Variants in C2orf42 observed in about 807,000 individuals in gnomAD.
The protein encoded by C2orf42 is chromosome 2 open reading frame 42.
Under a neutral mutation model 58.9 loss-of-function variants are expected in C2orf42, and 44 were observed. The observed-to-expected ratio is 0.75, with a 90% CI of 0.59 to 0.96. C2orf42 has a LOEUF of 0.96. Among genes scored for constraint, C2orf42 ranks in the 40% least tolerant of loss-of-function variants. The pLI, the probability that C2orf42 is intolerant of heterozygous loss-of-function variation, is 0.00. For synonymous variants in C2orf42, 239 were observed against 265.4 expected, an observed-to-expected ratio of 0.90 and a Z score of 0.97; for missense variants, 630 against 699.2, an observed-to-expected ratio of 0.90 and a Z score of 1.12.
chr2:70,157,183 G>A (rs796116615), intron 9 of C2orf42, among the ~76,000 whole-genome samples: 10 of 152,146 alleles, frequency 6.6e-5, no homozygotes, highest in African/African-American at 2.2e-4. Flanking sequence ...GGCCGGGTGC[G>A]GTGGCTCACG....
At chr2:70,159,026 C>T (rs1672885674) in intron 9 of C2orf42, among the ~76,000 whole-genome samples, 1 of 148,326 alleles carries the variant, frequency 6.7e-6, no homozygotes, top group Non-Finnish European at 1.5e-5. Context: ...ATTCTCCTGC[C>T]TCAGCCTCCC....
At position 70,155,068 on chromosome 2, in the gene C2orf42, A is replaced by AC. The variant is rs574050971; in HGVS notation, c.1517-4505dup. Among the ~76,000 whole-genome samples, 142 of 151,898 alleles carry AC rather than the reference A, an allele frequency of 9.3e-4. 1 individual carries two copies. Among genetic ancestry groups the AC allele is most frequent in the African/African-American group, 3.3e-3 (137 of 41,414 alleles). On this transcript the variant is annotated intron_variant, in intron 9 of 9. Coordinates refer to ENST00000264434, the MANE Select transcript of C2orf42 (RefSeq NM_017880.3). ...AGACCATCCTGGCCAACATGGTGAA[A>AC]CCCCGTCTCTACTAAAAATACAAAA...
At chr2:70,162,684 G>A (rs1245312805) in intron 8 of C2orf42, among the ~76,000 whole-genome samples, 1 of 151,884 alleles carries the variant, frequency 6.6e-6, no homozygotes, top group East Asian at 1.9e-4. Context: ...TGTTGCCTAG[G>A]CTGGTCTTGA....
At chr2:70,178,957 G>C (rs1040254266) in intron 4 of C2orf42, among the ~76,000 whole-genome samples, 1 of 151,282 alleles carries the variant, frequency 6.6e-6, no homozygotes, top group African/African-American at 2.4e-5. Context: ...TGTGTGTGTG[G>C]GTGTGTGTAT....
Position 70,165,520 on chromosome 2 carries a change from T to C in C2orf42, c.1252+8A>G. On this transcript the variant is annotated splice_region_variant and intron_variant, in intron 7 of 9. Coordinates refer to ENST00000264434, the MANE Select transcript of C2orf42 (RefSeq NM_017880.3). ...CATCCATCACTATACCAAAGGGAAA[T>C]CCTGTACCTGTGGTGGAGTTGGGGA... 6.9e-7 allele frequency: 1 copy of C among 1,444,638 alleles called. No individual in the cohort carries two copies. Among genetic ancestry groups the C allele is most frequent in the Non-Finnish European group, 9.7e-7 (1 of 1,025,722 alleles). The allele number at this position is 1,444,638 out of a possible 1,614,324, so 89.5% of individuals were successfully genotyped here. A position where few individuals can be genotyped will look rare whatever the true frequency, so the allele number is the denominator to read the frequency against.
intron 9 of C2orf42, among the ~76,000 whole-genome samples, chr2:70,158,888 G>A (rs1388891283): frequency 7.4e-5 from 11 of 149,198 alleles, no homozygotes; most frequent in East Asian, 2.0e-4. Flanking sequence ...CACCGCGCTC[G>A]GCCGAGTATT....
chr2:70,167,560 G>A (rs1404754519), intron 6 of C2orf42, among the ~76,000 whole-genome samples: 1 of 151,852 alleles, frequency 6.6e-6, no homozygotes, highest in Non-Finnish European at 1.5e-5. Context: ...GGCCAACATG[G>A]TGAAACCCTG....
chr2:70,151,761 A>T (rs554707494), intron 9 of C2orf42, among the ~76,000 whole-genome samples: 1 of 151,296 alleles, frequency 6.6e-6, no homozygotes, highest in East Asian at 1.9e-4. Context: ...TTGACTTCAT[A>T]AGCTAATATT....
At position 70,181,504 on chromosome 2, in the gene C2orf42, G is replaced by A. The variant is rs201828830; in HGVS notation, c.482C>T (p.Ala161Val). 1.2e-5 allele frequency: 19 copies of A among 1,613,320 alleles called. No homozygotes were observed. The Admixed American group carries it at 1.3e-4, about 11-fold the overall frequency. ...LKSSVLNAMQASPETKQTIWQ... is the reference protein window; with the variant it reads ...LKSSVLNAMQVSPETKQTIWQ... ...GATGGTCTGTTTGGTTTCCGGGGAG[G>A]CCTGCATTGCATTCAGGACCGAGCT... Residue 161 changes from alanine to valine, a missense_variant, in exon 3 of 10, where the codon GCC (alanine) becomes GTC (valine). Transcript: ENST00000264434.
intron 4 of C2orf42, among the ~76,000 whole-genome samples, chr2:70,178,891 C>T (rs568409028): frequency 2.6e-5 from 4 of 150,986 alleles, no homozygotes; most frequent in African/African-American, 9.7e-5. Flanking sequence ...CACCACTGCA[C>T]TCCAGCCTGG....
Position 70,183,725 on chromosome 2 carries a change from T to G in C2orf42, c.-281-790A>C, listed in dbSNP as rs111256262. ...GCCAATGCGCCCGGCCGACCCCATC[T>G]CTTTAAAAAAAAAAAAAAAGAACAC... On this transcript the variant is annotated intron_variant, in intron 1 of 9. Transcript: ENST00000264434. Among the ~76,000 whole-genome samples the G allele has an allele frequency of 4.6e-3, 483 of 104,922 alleles. 4 individuals are homozygous for G. The highest frequency in any genetic ancestry group is 0.024 in the African/African-American group (460 of 19,224). The allele number at this position is 104,922 out of a possible 152,430, so 68.8% of individuals were successfully genotyped here. A position where few individuals can be genotyped will look rare whatever the true frequency, so the allele number is the denominator to read the frequency against.
chr2:70,150,591 C>T, intron 9 of C2orf42, 27 bp from the exon 10 acceptor site: 1 of 1,547,344 alleles, frequency 6.5e-7, no homozygotes. Context: ...AGTATTAGTA[C>T]AATTCCACCT....
rs1380421090 is a variant in C2orf42, at chr2:70,171,193, TTGAGCC to T, written c.1040-1538_1040-1533del. 2.0e-5 allele frequency among the ~76,000 whole-genome samples: 3 copies of T among 151,780 alleles called. No homozygotes were observed. The East Asian group carries it at 5.8e-4, about 29-fold the overall frequency. On this transcript the variant is annotated intron_variant, in intron 5 of 9. Transcript: ENST00000264434. ...CAGGAGGCTGAGGTGAGAGGATTGTTTGAGCCCAGGAGGCAGAGGCTGCAGTGAGCC... is the reference window on the plus strand; with the variant it reads ...CAGGAGGCTGAGGTGAGAGGATTGTTCAGGAGGCAGAGGCTGCAGTGAGCC...
At chr2:70,161,982 T>C (rs574159265) in intron 8 of C2orf42, among the ~76,000 whole-genome samples, 1 of 152,088 alleles carries the variant, frequency 6.6e-6, no homozygotes, top group African/African-American at 2.4e-5. Flanking sequence ...GTTGGGACTA[T>C]AGGCACACAC....
At chr2:70,160,313 T>C (rs1040373120) in intron 9 of C2orf42, among the ~76,000 whole-genome samples, 5 of 152,050 alleles carry the variant, frequency 3.3e-5, no homozygotes, top group African/African-American at 1.2e-4. Flanking sequence ...CTAAGTTTTG[T>C]ATTTTTATAG....
At chr2:70,170,527 G>A (rs942276138) in intron 5 of C2orf42, among the ~76,000 whole-genome samples, 16 of 152,032 alleles carry the variant, frequency 1.1e-4, no homozygotes, top group African/African-American at 3.4e-4. Context: ...GATTACAGGC[G>A]TGAGCCACCT....
intron 4 of C2orf42, 63 bp downstream of exon 4, chr2:70,179,469 C>T: frequency 1.7e-6 from 1 of 597,212 alleles, no homozygotes. Context: ...CAGTCAAAGA[C>T]ATAAAACGCA....
chr2:70,163,946 G>A (rs1427558490), intron 8 of C2orf42, among the ~76,000 whole-genome samples: 1 of 152,032 alleles, frequency 6.6e-6, no homozygotes, highest in Non-Finnish European at 1.5e-5. Context: ...AAGATGGGAG[G>A]ACTGCTTGAA....
chr2:70,150,603 A>G, intron 9 of C2orf42, 39 bp from the exon 10 acceptor site: 2 of 1,479,680 alleles, frequency 1.4e-6, no homozygotes, highest in Non-Finnish European at 1.9e-6. Context: ...ATTCCACCTA[A>G]CTCTAATGGG....
Sources: gnomAD v4.1 joint callset for allele counts (sites outside exome capture counted in the v4.1 genomes callset) on GRCh38, gnomAD v4.1.1 for gene constraint, MANE v1.5 for transcripts, NCBI Gene and HGNC (gene_info 2026-07-23, HGNC 2026-07-21) for gene names.